The following PTPN4 variants were observed in gnomAD, a reference collection of about 807,000 sequenced individuals.
PTPN4 encodes protein tyrosine phosphatase non-receptor type 4, also known as tyrosine-protein phosphatase non-receptor type 4.
A neutral mutation model predicts 135.5 loss-of-function variants in PTPN4; 49 were observed. The observed-to-expected ratio is 0.36, with a 90% CI of 0.29 to 0.46. The LOEUF is 0.46. Among genes scored for constraint, PTPN4 ranks in the 20% least tolerant of loss-of-function variants. The pLI, the probability that PTPN4 is intolerant of heterozygous loss-of-function variation, is 1.00. For synonymous variants in PTPN4, 333 were observed against 369.9 expected (o/e 0.90, Z 1.14); for missense variants, 860 against 1,101.0 (o/e 0.78, Z 3.10).
At chr2:119,952,555 G>A (rs1405881908) in intron 19 of PTPN4, among the ~76,000 whole-genome samples, 3 of 152,182 alleles carry the variant, frequency 2.0e-5, no homozygotes, top group Admixed American at 6.5e-5. Flanking sequence ...AATGGTAATA[G>A]TTGTAGTACT....
chr2:119,935,288 A>G (rs530190649), intron 15 of PTPN4, among the ~76,000 whole-genome samples: 2 of 152,366 alleles, frequency 1.3e-5, no homozygotes, highest in East Asian at 3.9e-4. Flanking sequence ...AAGGAAAAGA[A>G]CCATAAGTAT....
intron 15 of PTPN4, among the ~76,000 whole-genome samples, chr2:119,938,940 C>T (rs35130775): frequency 0.094 from 14,260 of 152,088 alleles, 1,907 homozygotes; most frequent in African/African-American, 0.3. Flanking sequence ...ATAGTGTTTA[C>T]GAGCACAAGC....
intron 15 of PTPN4, among the ~76,000 whole-genome samples, chr2:119,937,182 A>G (rs1678995998): frequency 6.6e-6 from 1 of 152,196 alleles, no homozygotes; most frequent in African/African-American, 2.4e-5. Flanking sequence ...GATGTTATAG[A>G]TGTTTTTTGA....
chr2:119,891,109 T>C (rs1036986652), intron 9 of PTPN4, among the ~76,000 whole-genome samples: 8 of 152,208 alleles, frequency 5.3e-5, no homozygotes. Context: ...AAGTAACATG[T>C]AAATTTGGTC....
chr2:119,906,958 G>A (rs866020674), intron 10 of PTPN4, among the ~76,000 whole-genome samples: 1 of 152,162 alleles, frequency 6.6e-6, no homozygotes, highest in Middle Eastern at 3.2e-3. Flanking sequence ...AGTGAATTCC[G>A]TTAAGTTGCA....
intron 5 of PTPN4, among the ~76,000 whole-genome samples, chr2:119,877,825 A>G (rs535026676): frequency 6.6e-5 from 10 of 152,188 alleles, no homozygotes; most frequent in Non-Finnish European, 1.3e-4. Flanking sequence ...AAGTGTGGCT[A>G]TAATTAATTG....
At chr2:119,858,102 A>G (rs912610193) in intron 2 of PTPN4, among the ~76,000 whole-genome samples, 5 of 152,152 alleles carry the variant, frequency 3.3e-5, no homozygotes, top group Non-Finnish European at 7.3e-5. Flanking sequence ...CATGATTGTA[A>G]GCTTCCCGAG....
intron 25 of PTPN4, 152 bp downstream of exon 25, chr2:119,965,797 T>G: frequency 8.2e-6 from 7 of 852,054 alleles, no homozygotes; most frequent in Non-Finnish European, 1.1e-5. Context: ...GGATATGTTC[T>G]AACATATGAT....
intron 10 of PTPN4, among the ~76,000 whole-genome samples, chr2:119,913,853 A>C (rs187092727): frequency 6.6e-6 from 1 of 152,342 alleles, no homozygotes; most frequent in Middle Eastern, 3.4e-3. Flanking sequence ...CCAGGCATAT[A>C]GAAGCCAAAA....
intron 2 of PTPN4, among the ~76,000 whole-genome samples, chr2:119,832,241 A>C (rs951588858): frequency 1.3e-5 from 2 of 152,138 alleles, no homozygotes; most frequent in Non-Finnish European, 2.9e-5. Flanking sequence ...CTTTGTTTCT[A>C]CTTTTTTTCC....
intron 3 of PTPN4, among the ~76,000 whole-genome samples, chr2:119,874,349 C>T (rs1398882027): frequency 1.3e-5 from 2 of 152,164 alleles, no homozygotes; most frequent in Non-Finnish European, 2.9e-5. Context: ...GAATTGAAGA[C>T]ATGTGTTCAC....
chr2:119,954,564 C>T (rs548907579), intron 19 of PTPN4, among the ~76,000 whole-genome samples: 1 of 152,266 alleles, frequency 6.6e-6, no homozygotes, highest in East Asian at 1.9e-4. Flanking sequence ...GGGATCTTCA[C>T]ATGTATGTTT....
intron 15 of PTPN4, among the ~76,000 whole-genome samples, chr2:119,943,590 T>TC (rs1240166640): frequency 2.2e-5 from 3 of 134,486 alleles, no homozygotes; most frequent in Admixed American, 7.4e-5. Flanking sequence ...CTTTTTTTTT[T>TC]TTTTTTTTTT....
Position 119,977,974 on chromosome 2 carries a change from A to G in PTPN4, c.*904A>G, listed in dbSNP as rs1237612878. The G allele has an allele frequency of 6.6e-6, 1 of 152,216 alleles. No individual in the cohort carries two copies. Among genetic ancestry groups the G allele is most frequent in the Non-Finnish European group, 1.5e-5 (1 of 68,044 alleles). The allele number at this position is 152,216 out of a possible 1,614,324, so 9.4% of individuals were successfully genotyped here. On this transcript the variant is annotated 3_prime_UTR_variant, in exon 27 of 27. Coordinates refer to ENST00000263708, the MANE Select transcript of PTPN4 (RefSeq NM_002830.4). ...AGCTATATTGAGTGTTATACAGTCA[A>G]AGAAGGGTAAGGAAATTCTGTTTCT...
intron 10 of PTPN4, among the ~76,000 whole-genome samples, chr2:119,904,621 A>C (rs536038341): frequency 4.5e-4 from 68 of 152,362 alleles, no homozygotes; most frequent in Non-Finnish European, 8.2e-4. Context: ...TAAAAATCAG[A>C]GACAGAAGTC....
intron 1 of PTPN4, among the ~76,000 whole-genome samples, chr2:119,787,901 C>T (rs539517694): frequency 3.2e-4 from 49 of 152,220 alleles, no homozygotes; most frequent in African/African-American, 6.3e-4. Context: ...GAAGAAATTG[C>T]TGGTATTAAA....
intron 15 of PTPN4, among the ~76,000 whole-genome samples, chr2:119,942,661 C>T (rs1679077497): frequency 6.6e-6 from 1 of 152,092 alleles, no homozygotes; most frequent in Non-Finnish European, 1.5e-5. Context: ...TTATATATGT[C>T]GAGTCCAATT....
chr2:119,957,564 C>G (rs1303292501), intron 22 of PTPN4, among the ~76,000 whole-genome samples: 1 of 139,824 alleles, frequency 7.2e-6, no homozygotes, highest in East Asian at 2.5e-4. Context: ...GTCCCTGGTG[C>G]CAAAAAGGTT....
At chr2:119,898,242 A>G (rs1044522856) in intron 9 of PTPN4, among the ~76,000 whole-genome samples, 5 of 152,190 alleles carry the variant, frequency 3.3e-5, no homozygotes, top group African/African-American at 9.7e-5. Context: ...GGGCTAATAA[A>G]ATTTTTACTG....
Sources: allele counts gnomAD v4.1 joint callset (sites outside exome capture counted in the v4.1 genomes callset), GRCh38; gene constraint gnomAD v4.1.1; transcripts MANE v1.5; gene names NCBI Gene and HGNC (gene_info 2026-07-23, HGNC 2026-07-21).